Variants in WWOX observed in about 807,000 individuals in gnomAD.
WWOX encodes WW domain containing oxidoreductase, also known as WW domain-containing oxidoreductase.
Under a neutral mutation model 46.2 loss-of-function variants are expected in WWOX, and 69 were observed. That is an observed-to-expected ratio of 1.49 (90% CI 1.23 to 1.82). WWOX has a LOEUF of 1.82. Ranked by LOEUF, WWOX falls within the 40% of genes most tolerant of loss-of-function variation. The pLI is 0.00. For synonymous variants in WWOX, 359 were observed against 202.6 expected, an observed-to-expected ratio of 1.77 and a Z score of -6.56; for missense variants, 919 against 542.6, an observed-to-expected ratio of 1.69 and a Z score of -6.89.
At chr16:78,675,366 CATAA>C (rs751090310) in intron 8 of WWOX, among the ~76,000 whole-genome samples, 21 of 152,138 alleles carry the variant, frequency 1.4e-4, no homozygotes, top group Non-Finnish European at 2.8e-4. Context: ...CGTTCATCTA[CATAA>C]ATAAATAATA....
At chr16:78,295,394 G>GCTGTTT (rs2079928030) in intron 5 of WWOX, among the ~76,000 whole-genome samples, 2 of 152,078 alleles carry the variant, frequency 1.3e-5, no homozygotes, top group South Asian at 2.1e-4. Flanking sequence ...TCCAACACTG[G>GCTGTTT]CTGTTTACAT....
At chr16:78,917,296 C>T (rs1382782551) in intron 8 of WWOX, among the ~76,000 whole-genome samples, 1 of 152,170 alleles carries the variant, frequency 6.6e-6, no homozygotes, top group Non-Finnish European at 1.5e-5. Flanking sequence ...ATCAGAATTT[C>T]GTTATCAAAA....
intron 8 of WWOX, among the ~76,000 whole-genome samples, chr16:78,460,726 G>C (rs181506175): frequency 2.1e-4 from 32 of 152,162 alleles, no homozygotes; most frequent in African/African-American, 5.6e-4. Context: ...CATGACATTC[G>C]ATCCACGTGG....
chr16:78,550,842 C>T (rs1172462063), intron 8 of WWOX: 1 of 151,786 alleles, frequency 6.6e-6, no homozygotes, highest in African/African-American at 2.4e-5. Context: ...TGAGGGCGGA[C>T]CTAATTTTTT....
At chr16:78,815,202 G>C (rs1362792685) in intron 8 of WWOX, among the ~76,000 whole-genome samples, 2 of 152,044 alleles carry the variant, frequency 1.3e-5, no homozygotes, top group East Asian at 3.9e-4. Flanking sequence ...GCACACACCT[G>C]TAATCCCAGC....
intron 8 of WWOX, among the ~76,000 whole-genome samples, chr16:78,559,670 CTTTTCT>C (rs1201954241): frequency 6.6e-6 from 1 of 152,118 alleles, no homozygotes; most frequent in Non-Finnish European, 1.5e-5. Context: ...GGAGGATTTT[CTTTTCT>C]TTTTCTTTTT....
chr16:78,889,057 CAAG>C (rs903233118), intron 8 of WWOX, among the ~76,000 whole-genome samples: 1 of 152,100 alleles, frequency 6.6e-6, no homozygotes, highest in African/African-American at 2.4e-5. Flanking sequence ...TTCCCTTTTA[CAAG>C]AAGATGTCTC....
chr16:78,632,417 C>G (rs948181178), intron 8 of WWOX, among the ~76,000 whole-genome samples: 1 of 151,998 alleles, frequency 6.6e-6, no homozygotes, highest in Non-Finnish European at 1.5e-5. Context: ...TTTGGGCTTT[C>G]CTACTTAACG....
In WWOX at chr16:78,237,023, G is replaced by A. The variant is rs201064292; in HGVS notation, c.516+72734G>A. On this transcript the variant is annotated intron_variant, in intron 5 of 8. Transcript: ENST00000566780. ...CAGGAGGCGGAGGTTGCAGTGAGCC[G>A]AGATCACGCCATTGCACTCCAGCCT... 2.3e-4 allele frequency among the ~76,000 whole-genome samples: 33 copies of A among 144,982 alleles called. No individual in the cohort carries two copies. In the East Asian group the frequency reaches 5.5e-3, roughly 24 times the overall value.
chr16:79,203,551 T>C (rs1056989269), intron 8 of WWOX: 2 of 151,562 alleles, frequency 1.3e-5, no homozygotes, highest in South Asian at 2.1e-4. Flanking sequence ...AGAATACTTA[T>C]GGGGCATACG....
chr16:78,605,176 G>A (rs1234035248), intron 8 of WWOX, among the ~76,000 whole-genome samples: 5 of 150,842 alleles, frequency 3.3e-5, no homozygotes, highest in African/African-American at 1.2e-4. Context: ...AATGCCTGAT[G>A]TATCTGTATC....
chr16:78,567,373 G>C (rs923678790), intron 8 of WWOX, among the ~76,000 whole-genome samples: 1 of 150,148 alleles, frequency 6.7e-6, no homozygotes, highest in African/African-American at 2.5e-5. Flanking sequence ...GTAAAACCCC[G>C]TCTCTACTAA....
chr16:79,057,336 T>G (rs2048281649), intron 8 of WWOX, among the ~76,000 whole-genome samples: 1 of 152,218 alleles, frequency 6.6e-6, no homozygotes, highest in East Asian at 1.9e-4. Flanking sequence ...AGAATTTGGA[T>G]GCAATTGCCC....
At chr16:78,589,030 G>A (rs2045289979) in intron 8 of WWOX, among the ~76,000 whole-genome samples, 2 of 152,170 alleles carry the variant, frequency 1.3e-5, no homozygotes, top group South Asian at 4.1e-4. Flanking sequence ...TCTTTCATCT[G>A]CACCAACCTC....
chr16:79,008,228 G>A (rs2151373583), intron 8 of WWOX, among the ~76,000 whole-genome samples: 1 of 152,256 alleles, frequency 6.6e-6, no homozygotes, highest in East Asian at 1.9e-4. Context: ...ATCCACAGAT[G>A]ACCTCACAAC....
At chr16:79,037,145 G>A (rs1459015748) in intron 8 of WWOX, among the ~76,000 whole-genome samples, 1 of 152,184 alleles carries the variant, frequency 6.6e-6, no homozygotes, top group Non-Finnish European at 1.5e-5. Flanking sequence ...AGGGAGAGGA[G>A]CACAAAGCTG....
intron 8 of WWOX, among the ~76,000 whole-genome samples, chr16:78,777,558 G>C (rs2050222041): frequency 6.6e-6 from 1 of 152,122 alleles, no homozygotes; most frequent in South Asian, 2.1e-4. Context: ...TGTTTACACT[G>C]ACAGTCCCAG....
In WWOX at chr16:78,329,109, C is replaced by T. The variant is rs145375458; in HGVS notation, c.517-57751C>T. Reference sequence around the variant, plus strand: ...TTCCTGATCTCACATGATTCACCAACCTTGGCCTCCCAAAGTGCTGGGATT... The same window carrying T: ...TTCCTGATCTCACATGATTCACCAATCTTGGCCTCCCAAAGTGCTGGGATT... On this transcript the variant is annotated intron_variant, in intron 5 of 8. Coordinates refer to ENST00000566780, the MANE Select transcript of WWOX (RefSeq NM_016373.4). Among the ~76,000 whole-genome samples the T allele has an allele frequency of 3.1e-3, 477 of 152,288 alleles. 8 individuals carry two copies. Among genetic ancestry groups the T allele is most frequent in the Non-Finnish European group, 2.5e-3 (172 of 68,036 alleles).
intron 5 of WWOX, among the ~76,000 whole-genome samples, chr16:78,382,542 T>C (rs2081976570): frequency 6.6e-6 from 1 of 152,130 alleles, no homozygotes; most frequent in African/African-American, 2.4e-5. Flanking sequence ...ATGCAGAGGA[T>C]CTTGTGAGCC....
Sources: allele counts gnomAD v4.1 joint callset (sites outside exome capture counted in the v4.1 genomes callset), GRCh38; gene constraint gnomAD v4.1.1; transcripts MANE v1.5; gene names NCBI Gene and HGNC (gene_info 2026-07-23, HGNC 2026-07-21).